SHANK2: variants seen among roughly 807,000 people sequenced by gnomAD.
SHANK2 encodes SH3 and multiple ankyrin repeat domains 2.
In SHANK2, 43 loss-of-function variants were observed where a neutral mutation model predicts 133.7. The observed-to-expected ratio is 0.32, with a 90% confidence interval of 0.25 to 0.41. SHANK2 has a LOEUF of 0.41. Ranked by LOEUF, SHANK2 falls within the 10% of genes least tolerant of loss-of-function variation. The pLI is 1.00. For synonymous variants in SHANK2, 1,017 were observed against 952.8 expected (o/e 1.07, Z -1.24); for missense variants, 1,994 against 2,235.8 (o/e 0.89, Z 2.18).
Position 70,486,566 on chromosome 11 carries a change from G to T in SHANK2, c.3727C>A (p.Leu1243Ile), listed in dbSNP as rs2058809028. ...GPKGEAPKAD[L>I]NKPLYIDTKM... is the part of the protein sequence containing the mutation. The stretch of plus-strand genomic sequence containing the variant: ...GTATCAATGTAAAGAGGTTTGTTGA[G>T]GTCGGCCTTGGGGGCCTCCCCTTTG... The change falls in exon 25 of 26, where the codon CTC (leucine) becomes ATC (isoleucine). Residue 1243 changes from leucine (L) to isoleucine (I), a missense_variant. Physicochemically the swap from Leu to Ile is conservative, Grantham distance 5. Coordinates refer to ENST00000601538, the MANE Select transcript of SHANK2 (RefSeq NM_012309.5). The surrounding 1 kb of genome is among the most constrained non-coding windows in gnomAD (Gnocchi z 8.0). 1.2e-6 allele frequency: 2 copies of T among 1,613,974 alleles called. No homozygotes were observed. The highest frequency in any genetic ancestry group is 1.7e-5 in the Admixed American group (1 of 60,004).
chr11:70,816,850 C>A (rs558054070), intron 12 of SHANK2, among the ~76,000 whole-genome samples: 8 of 152,330 alleles, frequency 5.3e-5, no homozygotes, highest in African/African-American at 1.9e-4. Context: ...AGGCCCCCCT[C>A]CCCTGGCTGT....
At chr11:70,736,100 A>C (rs1555033487) in intron 14 of SHANK2, among the ~76,000 whole-genome samples, 1 of 150,848 alleles carries the variant, frequency 6.6e-6, no homozygotes, top group Non-Finnish European at 1.5e-5. Context: ...GCTCGGGAAC[A>C]AGAACCCAGC....
At chr11:71,104,403 G>A (rs1423849098) in intron 6 of SHANK2, among the ~76,000 whole-genome samples, 1 of 152,214 alleles carries the variant, frequency 6.6e-6, no homozygotes, top group Admixed American at 6.5e-5. Flanking sequence ...GTCTCCAACA[G>A]TGATGTCATC....
At chr11:70,506,464 T>A (rs957092195) in intron 17 of SHANK2, among the ~76,000 whole-genome samples, 1 of 152,164 alleles carries the variant, frequency 6.6e-6, no homozygotes, top group African/African-American at 2.4e-5. Context: ...CCATGGGCCC[T>A]GGAAACATCA....
Position 71,193,225 on chromosome 11 carries a change from C to T in SHANK2, c.-13+31472G>A, listed in dbSNP as rs782427831. On this transcript the variant is annotated intron_variant, in intron 2 of 25. Transcript: ENST00000601538. Reference sequence around the variant, plus strand: ...CAGTGATGGTCACACTCACCAGAACCGGCTGAGAGGGCTTCTGTGGTGGGT... The same window carrying T: ...CAGTGATGGTCACACTCACCAGAACTGGCTGAGAGGGCTTCTGTGGTGGGT... Among the ~76,000 whole-genome samples the T allele has an allele frequency of 3.3e-5, 5 of 152,186 alleles. 1 individual carries two copies. Among genetic ancestry groups the T allele is most frequent in the South Asian group, 4.1e-4 (2 of 4,838 alleles).
intron 11 of SHANK2, among the ~76,000 whole-genome samples, chr11:70,890,494 A>G (rs536644878): frequency 8.5e-5 from 2 of 23,534 alleles, no homozygotes; most frequent in Non-Finnish European, 8.7e-4. Flanking sequence ...AAAACAAAAA[A>G]AACAAAAAAA....
At chr11:70,585,795 T>G (rs2060241298) in intron 17 of SHANK2, among the ~76,000 whole-genome samples, 1 of 146,042 alleles carries the variant, frequency 6.8e-6, no homozygotes, top group South Asian at 2.2e-4. Flanking sequence ...TCCATCCACT[T>G]AACTACCCAA....
intron 15 of SHANK2, among the ~76,000 whole-genome samples, chr11:70,682,711 GA>G (rs1555018645): frequency 6.6e-6 from 1 of 152,228 alleles, no homozygotes; most frequent in African/African-American, 2.4e-5. Context: ...CAAGGCCACA[GA>G]GAAGGAGGCC....
intron 15 of SHANK2, among the ~76,000 whole-genome samples, chr11:70,677,623 T>C (rs1555017509): frequency 6.6e-6 from 1 of 152,142 alleles, no homozygotes; most frequent in East Asian, 1.9e-4. Flanking sequence ...ACCATTAATA[T>C]GACCACGTCC....
chr11:70,899,090 GACTT>G (rs2135673533), intron 10 of SHANK2, among the ~76,000 whole-genome samples: 1 of 152,302 alleles, frequency 6.6e-6, no homozygotes, highest in African/African-American at 2.4e-5. Flanking sequence ...TCTGCCCAAA[GACTT>G]ACGGGCAGGA....
intron 17 of SHANK2, among the ~76,000 whole-genome samples, chr11:70,614,333 CAG>C (rs531368116): frequency 6.1e-4 from 87 of 141,514 alleles, no homozygotes; most frequent in Non-Finnish European, 1.2e-3. Flanking sequence ...TTTTTTGAGA[CAG>C]AGTCTCCCTT....
intron 10 of SHANK2, among the ~76,000 whole-genome samples, chr11:70,928,447 G>A (rs1950458529): frequency 6.6e-6 from 1 of 152,180 alleles, no homozygotes; most frequent in Non-Finnish European, 1.5e-5. Context: ...TTTGACATGA[G>A]AAACAGAGCA....
At chr11:70,565,711 G>A (rs1318836673) in intron 17 of SHANK2, among the ~76,000 whole-genome samples, 1 of 152,168 alleles carries the variant, frequency 6.6e-6, no homozygotes, top group African/African-American at 2.4e-5. Context: ...GTGTCTGGTT[G>A]TAAAACCTAT....
chr11:70,477,077 A>G (rs2058673222), intron 25 of SHANK2, among the ~76,000 whole-genome samples: 1 of 152,186 alleles, frequency 6.6e-6, no homozygotes, highest in South Asian at 2.1e-4. Context: ...AGGCTCTGCA[A>G]ACACCTCGGT....
chr11:71,120,526 G>A (rs1290715530), intron 3 of SHANK2, among the ~76,000 whole-genome samples: 1 of 152,002 alleles, frequency 6.6e-6, no homozygotes, highest in Non-Finnish European at 1.5e-5. Context: ...CGGGTTCAGT[G>A]GGCGGCCAGA....
intron 8 of SHANK2, among the ~76,000 whole-genome samples, chr11:71,082,009 G>A (rs1335609790): frequency 6.6e-6 from 1 of 152,168 alleles, no homozygotes; most frequent in Admixed American, 6.5e-5. Context: ...GTGAGGCTCG[G>A]TCCCAGTTCC....
intron 17 of SHANK2, among the ~76,000 whole-genome samples, chr11:70,650,653 A>G (rs1174258275): frequency 5.3e-5 from 8 of 152,170 alleles, no homozygotes; most frequent in Non-Finnish European, 1.0e-4. Flanking sequence ...ATCACTCCCC[A>G]AATCCACCTT....
intron 11 of SHANK2, chr11:70,863,157 A>C: frequency 2.8e-6 from 1 of 360,396 alleles, no homozygotes. Context: ...TCTCAAAAAT[A>C]ATTTGTAGGC....
rs1164493288 is a variant in SHANK2 at position 70,804,966 on chromosome 11, C to A, written c.1663+2036G>T. Among the ~76,000 whole-genome samples the A allele has an allele frequency of 6.6e-6, 1 of 152,202 alleles. No individual in the cohort carries two copies. ...GTGCCCACTCCCATGGGCCTCTGCT[C>A]TATGTCTAAGGGACTGGGGACATGT... On this transcript the variant is annotated intron_variant, in intron 13 of 25. Coordinates refer to ENST00000601538, the MANE Select transcript of SHANK2 (RefSeq NM_012309.5). The surrounding 1 kb of genome is among the most constrained non-coding windows in gnomAD (Gnocchi z 4.1).
Sources: allele counts gnomAD v4.1 joint callset (sites outside exome capture counted in the v4.1 genomes callset), GRCh38; gene constraint gnomAD v4.1.1; non-coding constraint Gnocchi (gnomAD v3.1); transcripts MANE v1.5; gene names NCBI Gene and HGNC (gene_info 2026-07-23, HGNC 2026-07-21).